Variants in CHST4 observed in about 807,000 individuals in gnomAD.
CHST4 encodes the protein carbohydrate sulfotransferase 4, also known as GST-3.
For missense variants in CHST4, 466 were observed against 506.0 expected, an observed-to-expected ratio of 0.92 and a Z score of 0.76; for synonymous variants, 171 against 195.5, an observed-to-expected ratio of 0.87 and a Z score of 1.05.
At chr16:71,527,337 C>A (rs1160992036) in intron 1 of CHST4, among the ~76,000 whole-genome samples, 3 of 152,134 alleles carry the variant, frequency 2.0e-5, no homozygotes, top group Non-Finnish European at 4.4e-5. Context: ...ATATGAGTGA[C>A]CATGGCCGGT....
chr16:71,529,671 T>A (rs2043933967), intron 1 of CHST4, among the ~76,000 whole-genome samples: 1 of 149,886 alleles, frequency 6.7e-6, no homozygotes, highest in Non-Finnish European at 1.5e-5. Flanking sequence ...CACTTACTCA[T>A]TTATTTAGCA....
At chr16:71,532,894 G>C (rs2043958693) in intron 1 of CHST4, among the ~76,000 whole-genome samples, 1 of 152,160 alleles carries the variant, frequency 6.6e-6, no homozygotes, top group African/African-American at 2.4e-5. Context: ...TAAATAAACT[G>C]TGGTTAATCC....
chr16:71,537,269 C>G lies in CHST4; in HGVS notation c.592C>G (p.Leu198Val). 6.2e-7 allele frequency: 1 copy of G among 1,614,228 alleles called. No homozygotes were observed. Among genetic ancestry groups the G allele is most frequent in the Non-Finnish European group, 8.5e-7 (1 of 1,180,042 alleles). Residue 198 changes from leucine to valine, a missense_variant, in exon 2 of 2, where the codon CTG becomes GTG. Transcript: ENST00000539698. The surrounding 1 kb of genome is among the most constrained non-coding windows in gnomAD (Gnocchi z 4.2). Reference sequence around the variant, plus strand: ...GCTGCTGAAAGACCCCTCCCTCAACCTGCATATCGTGCACCTGGTCCGGGA... The same window carrying G: ...GCTGCTGAAAGACCCCTCCCTCAACGTGCATATCGTGCACCTGGTCCGGGA... The part of the protein sequence containing the change: ...YPLLKDPSLN[L>V]HIVHLVRDPR...
At position 71,536,803 on chromosome 16, in the gene CHST4, C is replaced by T; in HGVS notation, c.126C>T (p.Arg42=). 2 of 1,528,740 alleles carry T rather than the reference C, an allele frequency of 1.3e-6. No individual in the cohort carries two copies. The highest frequency in any genetic ancestry group is 1.8e-6 in the Non-Finnish European group (2 of 1,138,740). The allele number at this position is 1,528,740 out of a possible 1,614,324, so 94.7% of individuals were successfully genotyped here. A position where few individuals can be genotyped will look rare whatever the true frequency, so the allele number is the denominator to read the frequency against. Reference sequence around the variant, plus strand: ...TGTCTATGAAGGCACAGCCCGAGCGCATGCACGTGCTGGTTCTGTCTTCCT... The same window carrying T: ...TGTCTATGAAGGCACAGCCCGAGCGTATGCACGTGCTGGTTCTGTCTTCCT... ...SSLSMKAQPE[R]MHVLVLSSWR... is the part of the protein sequence containing the mutation. Residue 42 remains arginine, a synonymous_variant, in exon 2 of 2, where the codon CGC becomes CGT. Coordinates refer to ENST00000539698, the MANE Select transcript of CHST4 (RefSeq NM_001166395.2).
At chr16:71,533,426 CA>C (rs11299179) in intron 1 of CHST4, among the ~76,000 whole-genome samples, 63,602 of 98,016 alleles carry the variant, frequency 0.65, 17,407 homozygotes, top group Middle Eastern at 0.77. Context: ...GACTCTGTCT[CA>C]AAAAAAAAAA....
rs1352044317 is a variant in CHST4, at chr16:71,538,379, C to CAA, written c.*544_*545dup. The CAA allele has an allele frequency of 1.2e-5, 2 of 168,264 alleles. No homozygotes were observed. The highest frequency in any genetic ancestry group is 2.4e-5 in the African/African-American group (1 of 41,480). 10.4% of individuals were successfully genotyped at this position (168,264 alleles called of 1,614,324 possible). ...AGAAATATGAAACAAAATCTCTGCACAAAAGAGCAAGCTCTTAAGTTCACA... is the reference window on the plus strand; with the variant it reads ...AGAAATATGAAACAAAATCTCTGCACAAAAAAGAGCAAGCTCTTAAGTTCACA... On this transcript the variant is annotated 3_prime_UTR_variant, in exon 2 of 2. Transcript: ENST00000539698.
chr16:71,536,617 A>T (rs1020092299), intron 1 of CHST4, 43 bp from the exon 2 acceptor site: 1 of 1,348,504 alleles, frequency 7.4e-7, no homozygotes, highest in African/African-American at 1.5e-5. Flanking sequence ...GGCAAACAAT[A>T]AAACAGCAGC....
chr16:71,529,005 C>T (rs1277969447), intron 1 of CHST4, among the ~76,000 whole-genome samples: 1 of 152,064 alleles, frequency 6.6e-6, no homozygotes, highest in Non-Finnish European at 1.5e-5. Context: ...TAAGATGATA[C>T]CGTTCACCCA....
Position 71,537,151 on chromosome 16 carries a change from A to G in CHST4, c.474A>G (p.Gln158=), listed in dbSNP as rs372967590. ...PRAHCRLLCS[Q]QPFEVVEKAC... Reference sequence around the variant, plus strand: ...CTCACTGCAGGCTCCTGTGCAGTCAACAGCCCTTTGAGGTGGTGGAGAAGG... The same window carrying G: ...CTCACTGCAGGCTCCTGTGCAGTCAGCAGCCCTTTGAGGTGGTGGAGAAGG... Residue 158 remains glutamine, a synonymous_variant, in exon 2 of 2, where the codon CAA becomes CAG. Transcript: ENST00000539698. This position sits in a 1 kb window ranked among gnomAD's most constrained non-coding sequence, Gnocchi z 4.2. 1.2e-6 allele frequency: 2 copies of G among 1,614,146 alleles called. No individual in the cohort carries two copies. The highest frequency in any genetic ancestry group is 1.7e-6 in the Non-Finnish European group (2 of 1,180,036).
At chr16:71,535,306 G>A (rs1309219188) in intron 1 of CHST4, among the ~76,000 whole-genome samples, 2 of 152,088 alleles carry the variant, frequency 1.3e-5, no homozygotes, top group Non-Finnish European at 2.9e-5. Flanking sequence ...CCAAGTAGCT[G>A]GGACTATAGG....
Position 71,537,814 on chromosome 16 carries a change from G to T in CHST4, c.1137G>T (p.Trp379Cys). 1 of 1,613,412 alleles carries T rather than the reference G, an allele frequency of 6.2e-7. No individual in the cohort carries two copies. Among genetic ancestry groups the T allele is most frequent in the East Asian group, 2.2e-5 (1 of 44,884 alleles). ...RNLLLDLLSTWTVPEQIH is the reference protein window; with the variant it reads ...RNLLLDLLSTCTVPEQIH ...TGTTGCTGGATCTTCTGTCTACCTG[G>T]ACTGTCCCTGAGCAAATCCACTAAG... Residue 379 changes from tryptophan to cysteine, a missense_variant, in exon 2 of 2, where the codon TGG (tryptophan) becomes TGT (cysteine). Physicochemically the swap from Trp to Cys is radical, Grantham distance 215. Transcript: ENST00000539698. The surrounding 1 kb of genome is among the most constrained non-coding windows in gnomAD (Gnocchi z 4.2).
At chr16:71,530,078 C>T (rs1243088728) in intron 1 of CHST4, among the ~76,000 whole-genome samples, 2 of 151,642 alleles carry the variant, frequency 1.3e-5, no homozygotes, top group East Asian at 3.9e-4. Context: ...GCAGAGGTTG[C>T]GGTGAGCTGA....
intron 1 of CHST4, among the ~76,000 whole-genome samples, chr16:71,533,826 A>C (rs564470504): frequency 1.2e-4 from 18 of 151,232 alleles, no homozygotes; most frequent in Admixed American, 3.3e-4. Context: ...GGCGGATCAC[A>C]AGGTCAGGAG....
intron 1 of CHST4, among the ~76,000 whole-genome samples, chr16:71,528,249 CAAA>C (rs10716662): frequency 5.0e-4 from 55 of 109,278 alleles, no homozygotes; most frequent in Admixed American, 5.9e-4. Flanking sequence ...GACTTCATTT[CAAA>C]AAAAAAAAAA....
Position 71,537,913 on chromosome 16 carries a change from A to C in CHST4, c.*75A>C. ...CTCTGAATGCTTCTGAGCCTTGCCT[A>C]CATCTCTGAGCCTTAACTACATGTC... is the stretch of plus-strand genomic sequence containing the variant. On this transcript the variant is annotated 3_prime_UTR_variant, in exon 2 of 2. Coordinates refer to ENST00000539698, the MANE Select transcript of CHST4 (RefSeq NM_001166395.2). The surrounding 1 kb of genome is among the most constrained non-coding windows in gnomAD (Gnocchi z 4.2). The C allele has an allele frequency of 7.3e-7, 1 of 1,371,746 alleles. No homozygotes were observed. The highest frequency in any genetic ancestry group is 2.3e-5 in the East Asian group (1 of 43,452). 85.0% of individuals were successfully genotyped at this position (1,371,746 alleles called of 1,614,324 possible).
chr16:71,537,303 C>A lies in CHST4; in HGVS notation c.626C>A (p.Ala209Asp), dbSNP rs1472050963. 2.5e-6 allele frequency: 4 copies of A among 1,614,080 alleles called. No homozygotes were observed. Among genetic ancestry groups the A allele is most frequent in the East Asian group, 4.5e-5 (2 of 44,884 alleles). Residue 209 changes from alanine (A) to aspartate (D), a missense_variant, in exon 2 of 2, where the codon GCC becomes GAC. Coordinates refer to ENST00000539698, the MANE Select transcript of CHST4 (RefSeq NM_001166395.2). The surrounding 1 kb of genome is among the most constrained non-coding windows in gnomAD (Gnocchi z 4.2). ...GTGCACCTGGTCCGGGACCCCCGGG[C>A]CGTGTTCCGTTCCCGAGAACGCACA... ...HIVHLVRDPR[A>D]VFRSRERTKG...
intron 1 of CHST4, among the ~76,000 whole-genome samples, chr16:71,529,058 G>A (rs1284308521): frequency 6.6e-6 from 1 of 150,946 alleles, no homozygotes; most frequent in Non-Finnish European, 1.5e-5. Context: ...TTGGGGTGGT[G>A]ATGATGGAAT....
rs757328320 is a variant in CHST4, at chr16:71,536,829, G to T, written c.152G>T (p.Trp51Leu). Reference sequence around the variant, plus strand: ...ATGCACGTGCTGGTTCTGTCTTCCTGGCGCTCTGGCTCTTCTTTTGTGGGG... The same window carrying T: ...ATGCACGTGCTGGTTCTGTCTTCCTTGCGCTCTGGCTCTTCTTTTGTGGGG... ...ERMHVLVLSSWRSGSSFVGQL... is the reference protein window; with the variant it reads ...ERMHVLVLSSLRSGSSFVGQL... Residue 51 changes from tryptophan (W) to leucine (L), a missense_variant, in exon 2 of 2, where the codon TGG becomes TTG. By Grantham distance (61) the Trp-to-Leu change is moderately conservative. Coordinates refer to ENST00000539698, the MANE Select transcript of CHST4 (RefSeq NM_001166395.2). 6.5e-7 allele frequency: 1 copy of T among 1,540,364 alleles called. No individual in the cohort carries two copies. Among genetic ancestry groups the T allele is most frequent in the South Asian group, 1.3e-5 (1 of 77,824 alleles).
chr16:71,537,353 C>G lies in CHST4; in HGVS notation c.676C>G (p.Arg226Gly), dbSNP rs752235839. The change falls in exon 2 of 2, where the codon CGC (arginine) becomes GGC (glycine). Residue 226 changes from arginine to glycine, a missense_variant. Coordinates refer to ENST00000539698, the MANE Select transcript of CHST4 (RefSeq NM_001166395.2). The surrounding 1 kb of genome is among the most constrained non-coding windows in gnomAD (Gnocchi z 4.2). ...RTKGDLMIDS[R>G]IVMGQHEQKL... ...AAAGGGAGATCTCATGATTGACAGT[C>G]GCATTGTGATGGGGCAGCATGAGCA... 2.5e-6 allele frequency: 4 copies of G among 1,614,000 alleles called. No individual in the cohort carries two copies. Among genetic ancestry groups the G allele is most frequent in the South Asian group, 1.1e-5 (1 of 91,076 alleles).
Sources: gnomAD v4.1 joint callset for allele counts (sites outside exome capture counted in the v4.1 genomes callset) on GRCh38, gnomAD v4.1.1 for gene constraint, Gnocchi (gnomAD v3.1) non-coding constraint, MANE v1.5 for transcripts, NCBI Gene and HGNC (gene_info 2026-07-23, HGNC 2026-07-21) for gene names.